SYNE1: variants seen among roughly 807,000 people sequenced by gnomAD.
The protein encoded by SYNE1 is nesprin-1.
Under a neutral mutation model 1,111.0 loss-of-function variants are expected in SYNE1, and 616 were observed. The observed-to-expected ratio is 0.55, with a 90% CI of 0.52 to 0.59. SYNE1 has a LOEUF of 0.59. SYNE1 is among the 20% of genes least tolerant of loss of function. The probability of loss-of-function intolerance (pLI) is 0.00; values close to 1 mark genes in which losing one functional copy is unlikely to be tolerated. For missense variants in SYNE1, 10,006 were observed against 10,417.0 expected, an observed-to-expected ratio of 0.96 and a Z score of 1.72; for synonymous variants, 3,855 against 3,825.8, an observed-to-expected ratio of 1.01 and a Z score of -0.28.
chr6:152,316,806 T>C, intron 87 of SYNE1, 43 bp downstream of exon 87: 1 of 1,611,908 alleles, frequency 6.2e-7, no homozygotes, highest in Non-Finnish European at 8.5e-7. Context: ...TTAAATCAAA[T>C]TGCCCTTGGT....
At chr6:152,450,883 C>G (rs753147274) in intron 26 of SYNE1, 50 bp from the exon 27 acceptor site, 1 of 1,599,418 alleles carries the variant, frequency 6.3e-7, no homozygotes, top group Non-Finnish European at 8.6e-7. Flanking sequence ...CCACACAGTA[C>G]TTCTACATTT....
At chr6:152,240,294 A>G (rs2153554897) in intron 107 of SYNE1, among the ~76,000 whole-genome samples, 1 of 19,024 alleles carries the variant, frequency 5.3e-5, no homozygotes, top group South Asian at 1.5e-3. Context: ...CTCCATCTCA[A>G]AACAAACAAA....
chr6:152,597,219 A>G (rs1180890294), intron 3 of SYNE1, among the ~76,000 whole-genome samples: 2 of 152,224 alleles, frequency 1.3e-5, no homozygotes, highest in Admixed American at 6.5e-5. Context: ...TTTAAACATT[A>G]AATAGACGTG....
chr6:152,330,257 G>T lies in SYNE1; in HGVS notation c.14428C>A (p.Pro4810Thr). ...EQSKVNEETL[P>T]AEEKLKMYHS... ...TACATTTTGAGCTTCTCCTCTGCAGGCAGCGTTTCCTCATTCACTTTGGAC... is the reference window on the plus strand; with the variant it reads ...TACATTTTGAGCTTCTCCTCTGCAGTCAGCGTTTCCTCATTCACTTTGGAC... The change falls in exon 78 of 146, where the codon CCT becomes ACT. Residue 4810 changes from proline (P) to threonine (T), a missense_variant. Physicochemically the swap from Pro to Thr is conservative, Grantham distance 38. Transcript: ENST00000367255. 1 of 1,614,156 alleles carries T rather than the reference G, an allele frequency of 6.2e-7. No homozygotes were observed. The highest frequency in any genetic ancestry group is 8.5e-7 in the Non-Finnish European group (1 of 1,180,038).
chr6:152,560,603 C>A (rs2099392164), intron 3 of SYNE1, among the ~76,000 whole-genome samples: 1 of 152,066 alleles, frequency 6.6e-6, no homozygotes, highest in African/African-American at 2.4e-5. Context: ...CAGCATTACT[C>A]TCATACTAAA....
At chr6:152,207,892 CT>C (rs2076813121) in intron 125 of SYNE1, 79 bp downstream of exon 125, 3 of 1,421,956 alleles carry the variant, frequency 2.1e-6, no homozygotes, top group Non-Finnish European at 3.0e-6. Context: ...CTCTAGAGTC[CT>C]TTTGAAAAAC....
chr6:152,568,515 G>A (rs1212289263), intron 3 of SYNE1, among the ~76,000 whole-genome samples: 1 of 151,972 alleles, frequency 6.6e-6, no homozygotes, highest in Non-Finnish European at 1.5e-5. Flanking sequence ...CTTGGCTAGA[G>A]TGGTCTTGCA....
At chr6:152,265,611 T>C (rs1309352411) in intron 100 of SYNE1, among the ~76,000 whole-genome samples, 1 of 152,186 alleles carries the variant, frequency 6.6e-6, no homozygotes, top group African/African-American at 2.4e-5. Flanking sequence ...CAGAGGAATA[T>C]TTAATATTTA....
intron 57 of SYNE1, 32 bp from the exon 58 acceptor site, chr6:152,376,590 GA>G: frequency 6.2e-7 from 1 of 1,610,662 alleles, no homozygotes; most frequent in Non-Finnish European, 8.5e-7. Flanking sequence ...TTAATGGCAG[GA>G]AAAAGCGATA....
chr6:152,591,066 C>T (rs2099560074), intron 3 of SYNE1, among the ~76,000 whole-genome samples: 1 of 152,132 alleles, frequency 6.6e-6, no homozygotes. Context: ...TTTCTTTCAG[C>T]AGTGTCTTGT....
intron 3 of SYNE1, among the ~76,000 whole-genome samples, chr6:152,570,968 C>T (rs1389039895): frequency 1.3e-5 from 2 of 152,108 alleles, no homozygotes; most frequent in Non-Finnish European, 1.5e-5. Flanking sequence ...AAGGGATGCA[C>T]AAAGGGGGAT....
chr6:152,353,722 G>T lies in SYNE1; in HGVS notation c.10949C>A (p.Ala3650Glu). Residue 3650 changes from alanine to glutamate, a missense_variant, in exon 68 of 146, where the codon GCA (alanine) becomes GAA (glutamate). Transcript: ENST00000367255. ...QMKKWHEEVT[A>E]YRDEVEEVGA... ...CACTTCCTCAACTTCATCTCTGTATGCAGTCACTTCTTCGTGCCACTTCTG... is the reference window on the plus strand; with the variant it reads ...CACTTCCTCAACTTCATCTCTGTATTCAGTCACTTCTTCGTGCCACTTCTG... The T allele has an allele frequency of 1.2e-6, 2 of 1,614,100 alleles. No homozygotes were observed. The highest frequency in any genetic ancestry group is 1.7e-6 in the Non-Finnish European group (2 of 1,180,046).
intron 128 of SYNE1, among the ~76,000 whole-genome samples, chr6:152,181,115 ACGTCTGTAAT>A (rs1289914500): frequency 1.2e-5 from 1 of 81,928 alleles, no homozygotes; most frequent in African/African-American, 4.7e-5. Flanking sequence ...GCAGTGGCTC[ACGTCTGTAAT>A]CCTAACACTT....
At chr6:152,496,629 G>T (rs1301580234) in intron 11 of SYNE1, among the ~76,000 whole-genome samples, 1 of 151,856 alleles carries the variant, frequency 6.6e-6, no homozygotes, top group Non-Finnish European at 1.5e-5. Flanking sequence ...CCCACTCTAG[G>T]TTCCCACATC....
chr6:152,458,221 T>C (rs1021164075), intron 22 of SYNE1, among the ~76,000 whole-genome samples: 1 of 152,136 alleles, frequency 6.6e-6, no homozygotes, highest in African/African-American at 2.4e-5. Flanking sequence ...AGAGAAATAA[T>C]AGAAAGTCCT....
intron 129 of SYNE1, among the ~76,000 whole-genome samples, chr6:152,178,127 A>G (rs2066944487): frequency 6.6e-6 from 1 of 152,238 alleles, no homozygotes; most frequent in Non-Finnish European, 1.5e-5. Flanking sequence ...CAAACAATGT[A>G]ATAAAATTAT....
At chr6:152,277,347 G>T (rs1200690850) in intron 98 of SYNE1, among the ~76,000 whole-genome samples, 3 of 130,954 alleles carry the variant, frequency 2.3e-5, no homozygotes, top group African/African-American at 8.8e-5. Context: ...ATATAATCTC[G>T]GCTCACTGAA....
intron 2 of SYNE1, 100 bp from the exon 3 acceptor site, chr6:152,628,654 G>C: frequency 3.3e-6 from 1 of 301,028 alleles, no homozygotes; most frequent in Non-Finnish European, 6.3e-6. Flanking sequence ...TGAATGCCTG[G>C]TCCATTATCA....
intron 130 of SYNE1, among the ~76,000 whole-genome samples, chr6:152,170,769 T>C (rs2064995359): frequency 6.6e-6 from 1 of 152,222 alleles, no homozygotes; most frequent in African/African-American, 2.4e-5. Flanking sequence ...AGAGCTGACC[T>C]CTATTGAACA....
Sources: allele counts gnomAD v4.1 joint callset (sites outside exome capture counted in the v4.1 genomes callset), GRCh38; gene constraint gnomAD v4.1.1; transcripts MANE v1.5; gene names NCBI Gene and HGNC (gene_info 2026-07-23, HGNC 2026-07-21).